Variants in FAF1 observed in about 807,000 individuals in gnomAD.
FAF1 encodes the protein FAS-associated factor 1.
Under a neutral mutation model 92.5 loss-of-function variants are expected in FAF1, and 25 were observed. That is an observed-to-expected ratio of 0.27 (90% CI 0.20 to 0.38). The LOEUF is 0.38. Ranked by LOEUF, FAF1 falls within the 10% of genes least tolerant of loss-of-function variation. The pLI, the probability that FAF1 is intolerant of heterozygous loss-of-function variation, is 1.00. For missense variants in FAF1, 636 were observed against 793.3 expected (o/e 0.80, Z 2.38); for synonymous variants, 234 against 273.2 (o/e 0.86, Z 1.42).
At chr1:50,632,025 G>A (rs900085098) in intron 8 of FAF1, among the ~76,000 whole-genome samples, 1 of 152,144 alleles carries the variant, frequency 6.6e-6, no homozygotes, top group African/African-American at 2.4e-5. Context: ...TATATACAGA[G>A]GTTGGTATTA....
chr1:50,474,596 G>A (rs1178137686), intron 18 of FAF1, among the ~76,000 whole-genome samples: 1 of 152,088 alleles, frequency 6.6e-6, no homozygotes, highest in East Asian at 1.9e-4. Context: ...TAAAACAGGA[G>A]CTAGCTTTTT....
rs144188309 is a variant in FAF1, at chr1:50,757,033, G to A, written c.368-12258C>T. 3.0e-4 allele frequency among the ~76,000 whole-genome samples: 45 copies of A among 152,214 alleles called. No individual in the cohort carries two copies. In the East Asian group the frequency reaches 8.5e-3, roughly 29 times the overall value. ...CTTCTTTGACCTATGGTTTATTTAGGAATATGTTGTTTAATTTCCAAATAT... is the reference window on the plus strand; with the variant it reads ...CTTCTTTGACCTATGGTTTATTTAGAAATATGTTGTTTAATTTCCAAATAT... On this transcript the variant is annotated intron_variant, in intron 4 of 18. Coordinates refer to ENST00000396153, the MANE Select transcript of FAF1 (RefSeq NM_007051.3).
chr1:50,878,599 C>T (rs1232526542), intron 1 of FAF1, among the ~76,000 whole-genome samples: 1 of 152,186 alleles, frequency 6.6e-6, no homozygotes, highest in Non-Finnish European at 1.5e-5. Context: ...CACCATAAAA[C>T]CCTTACACAT....
chr1:50,778,896 T>C (rs962564492), intron 4 of FAF1, among the ~76,000 whole-genome samples: 1 of 152,082 alleles, frequency 6.6e-6, no homozygotes, highest in Non-Finnish European at 1.5e-5. Context: ...CTTCCTTTCA[T>C]GAAAAGTTTT....
intron 2 of FAF1, among the ~76,000 whole-genome samples, chr1:50,820,964 G>A (rs939734949): frequency 1.3e-5 from 2 of 152,128 alleles, no homozygotes; most frequent in Non-Finnish European, 2.9e-5. Context: ...TGAGCACAGG[G>A]CTTGGTCATG....
At chr1:50,816,160 G>GA (rs1477846518) in intron 2 of FAF1, among the ~76,000 whole-genome samples, 1 of 150,664 alleles carries the variant, frequency 6.6e-6, no homozygotes, top group Non-Finnish European at 1.5e-5. Context: ...CTTATTTTGA[G>GA]AAGCGGTCAT....
intron 8 of FAF1, 42 bp downstream of exon 8, chr1:50,655,400 G>A: frequency 7.8e-7 from 1 of 1,274,334 alleles, no homozygotes; most frequent in Non-Finnish European, 1.1e-6. Context: ...AGTGGCAAAA[G>A]AGAAAGGAGG....
At chr1:50,694,335 A>G (rs1474433728) in intron 7 of FAF1, among the ~76,000 whole-genome samples, 1 of 152,180 alleles carries the variant, frequency 6.6e-6, no homozygotes, top group African/African-American at 2.4e-5. Context: ...TGATAACAGA[A>G]CACCAAAAGG....
At chr1:50,816,205 C>CTTT (rs1167616418) in intron 2 of FAF1, among the ~76,000 whole-genome samples, 12 of 106,676 alleles carry the variant, frequency 1.1e-4, no homozygotes, top group African/African-American at 1.5e-4. Flanking sequence ...TTTCCTTTTT[C>CTTT]TTTTTTTTTT....
At chr1:50,909,485 C>T (rs781410797) in intron 1 of FAF1, among the ~76,000 whole-genome samples, 1 of 152,192 alleles carries the variant, frequency 6.6e-6, no homozygotes, top group Non-Finnish European at 1.5e-5. Context: ...AACTTGGTTC[C>T]AGTCTTCTCG....
chr1:50,665,516 CCAGCATCAGCAAAG>C (rs1655577972), intron 7 of FAF1, among the ~76,000 whole-genome samples: 1 of 152,172 alleles, frequency 6.6e-6, no homozygotes, highest in South Asian at 2.1e-4. Flanking sequence ...AAGTGATGAA[CCAGCATCAGCAAAG>C]CAGAGCCCAG....
At chr1:50,497,672 T>C (rs1010633200) in intron 15 of FAF1, among the ~76,000 whole-genome samples, 9 of 149,966 alleles carry the variant, frequency 6.0e-5, no homozygotes, top group Non-Finnish European at 3.0e-5. Flanking sequence ...CCTCAGTCTC[T>C]GGAGTAGCTG....
Position 50,960,263 on chromosome 1 carries a change from T to TCC in FAF1, c.-453_-452insGG. 3.0e-6 allele frequency: 1 copy of TCC among 329,710 alleles called. No homozygotes were observed. Among genetic ancestry groups the TCC allele is most frequent in the Non-Finnish European group, 5.5e-6 (1 of 180,932 alleles). 20.4% of individuals were successfully genotyped at this position (329,710 alleles called of 1,614,324 possible). A position where few individuals can be genotyped will look rare whatever the true frequency, so the allele number is the denominator to read the frequency against. ...CCTCCCTGGCCGCCGCCTCCGCCCC[T>TCC]GGTTGGCCAGCGCCACGGCTGTCGC... is the stretch of plus-strand genomic sequence containing the variant. On this transcript the variant is annotated 5_prime_UTR_variant, in exon 1 of 19. Transcript: ENST00000396153.
chr1:50,497,817 G>T (rs1485849560), intron 15 of FAF1, among the ~76,000 whole-genome samples: 1 of 151,798 alleles, frequency 6.6e-6, no homozygotes, highest in Non-Finnish European at 1.5e-5. Context: ...CAAAGTGCTG[G>T]GATTACAGGT....
At chr1:50,880,352 A>C (rs938493229) in intron 1 of FAF1, among the ~76,000 whole-genome samples, 18 of 152,204 alleles carry the variant, frequency 1.2e-4, no homozygotes, top group African/African-American at 4.3e-4. Flanking sequence ...ATCATGCTCC[A>C]AAATATAAAG....
chr1:50,712,697 AGAC>A (rs1195349335), intron 6 of FAF1, among the ~76,000 whole-genome samples: 2 of 152,034 alleles, frequency 1.3e-5, no homozygotes, highest in Non-Finnish European at 2.9e-5. Flanking sequence ...TAATTTGCAA[AGAC>A]ATTTTTGCTA....
At chr1:50,780,620 C>A (rs1016125238) in intron 4 of FAF1, 3 of 206,106 alleles carry the variant, frequency 1.5e-5, no homozygotes, top group South Asian at 8.3e-5. Flanking sequence ...TGCACATCCT[C>A]TTCCAGCCTG....
intron 1 of FAF1, among the ~76,000 whole-genome samples, chr1:50,876,276 C>T (rs1387795002): frequency 6.6e-6 from 1 of 152,110 alleles, no homozygotes; most frequent in Non-Finnish European, 1.5e-5. Flanking sequence ...AATTAAGGTA[C>T]GTTCTGGAAA....
intron 15 of FAF1, among the ~76,000 whole-genome samples, chr1:50,513,487 T>C (rs1444915850): frequency 6.6e-6 from 1 of 151,892 alleles, no homozygotes; most frequent in African/African-American, 2.4e-5. Context: ...TGAGACTCTG[T>C]CTCAAAAAAA....
Sources: gnomAD v4.1 joint callset for allele counts (sites outside exome capture counted in the v4.1 genomes callset) on GRCh38, gnomAD v4.1.1 for gene constraint, MANE v1.5 for transcripts, NCBI Gene and HGNC (gene_info 2026-07-23, HGNC 2026-07-21) for gene names.